RUNX1: variants seen among roughly 807,000 people sequenced by gnomAD.
RUNX1 encodes the protein RUNX family transcription factor 1.
RUNX1 carries 19 observed loss-of-function variants against 42.8 expected under a neutral mutation model. That is an observed-to-expected ratio of 0.44 (90% confidence interval 0.31 to 0.65). The LOEUF is 0.65. RUNX1 is among the 30% of genes least tolerant of loss of function. The pLI is 0.07. For synonymous variants in RUNX1, 271 were observed against 289.4 expected (o/e 0.94, Z 0.64); for missense variants, 528 against 672.0 (o/e 0.79, Z 2.37).
chr21:34,939,906 C>T (rs1025492677), intron 2 of RUNX1, among the ~76,000 whole-genome samples: 6 of 151,948 alleles, frequency 3.9e-5, no homozygotes, highest in African/African-American at 9.7e-5. Context: ...CCAACGATTG[C>T]GCAACATGTA....
chr21:34,792,309 G>GGGGGGGC lies in RUNX1; in HGVS notation c.1268_1269insGCCCCCC (p.Ser424ProfsTer178). The GGGGGGGC allele has an allele frequency of 1.9e-6, 3 of 1,542,444 alleles. No individual in the cohort carries two copies. Among genetic ancestry groups the GGGGGGGC allele is most frequent in the Non-Finnish European group, 1.7e-6 (2 of 1,145,378 alleles). On this transcript the variant is annotated frameshift_variant, in exon 9 of 9. Coordinates refer to ENST00000675419, the MANE Select transcript of RUNX1 (RefSeq NM_001754.5). LOFTEE classifies it high-confidence loss of function. The surrounding 1 kb of genome is among the most constrained non-coding windows in gnomAD (Gnocchi z 6.9). ...AGGGCGGCAGGATGCGCGGCGGCGA[G>GGGGGGGC]CGCTCGCCGCCCACCATGGAGAACT...
intron 8 of RUNX1, among the ~76,000 whole-genome samples, chr21:34,797,848 G>A (rs2056551629): frequency 6.6e-6 from 1 of 152,160 alleles, no homozygotes; most frequent in Admixed American, 6.5e-5. Flanking sequence ...TGCCCCTTGG[G>A]AAATTTGGCA....
intron 7 of RUNX1, among the ~76,000 whole-genome samples, chr21:34,815,592 A>T (rs2056814447): frequency 6.6e-6 from 1 of 152,180 alleles, no homozygotes. Context: ...AAGTGCTGGA[A>T]CCAAGAACAA....
At chr21:34,893,843 A>G (rs2058107253) in intron 2 of RUNX1, among the ~76,000 whole-genome samples, 1 of 152,170 alleles carries the variant, frequency 6.6e-6, no homozygotes, top group Admixed American at 6.5e-5. Flanking sequence ...TGCTGTTTAA[A>G]TAGGCAGGAA....
chr21:34,903,266 C>T (rs938211352), intron 2 of RUNX1, among the ~76,000 whole-genome samples: 1 of 151,990 alleles, frequency 6.6e-6, no homozygotes, highest in Non-Finnish European at 1.5e-5. Flanking sequence ...TCCATGCCCA[C>T]CAAATTAGTG....
Position 34,924,912 on chromosome 21 carries a change from G to C in RUNX1, c.59-31949C>G, listed in dbSNP as rs535382314. Among the ~76,000 whole-genome samples the C allele has an allele frequency of 1.8e-4, 27 of 152,024 alleles. No homozygotes were observed. The South Asian group carries it at 5.6e-3, about 32-fold the overall frequency. ...CCTCACATTGTATGTGTGAGAGAGA[G>C]GAGGCAAGCTCTCATGTCTCTTGTT... On this transcript the variant is annotated intron_variant, in intron 2 of 8. Transcript: ENST00000675419.
chr21:35,041,543 C>A (rs1285153680), intron 2 of RUNX1, among the ~76,000 whole-genome samples: 1 of 152,122 alleles, frequency 6.6e-6, no homozygotes, highest in Non-Finnish European at 1.5e-5. Context: ...TAAATGAACA[C>A]CGATCTTGCA....
chr21:34,953,488 A>T (rs564374172), intron 2 of RUNX1, among the ~76,000 whole-genome samples: 2 of 152,300 alleles, frequency 1.3e-5, no homozygotes, highest in East Asian at 1.9e-4. Flanking sequence ...TGGGCCACAA[A>T]ACATCATTGT....
chr21:35,008,075 A>G (rs2834728), intron 2 of RUNX1, among the ~76,000 whole-genome samples: 26,424 of 152,122 alleles, frequency 0.17, 2,661 homozygotes, highest in African/African-American at 0.27. Flanking sequence ...TGTCTGATCC[A>G]TGGTGCTCCT....
At chr21:35,037,902 A>G (rs569647034) in intron 2 of RUNX1, among the ~76,000 whole-genome samples, 1 of 149,958 alleles carries the variant, frequency 6.7e-6, no homozygotes, top group East Asian at 2.0e-4. Context: ...GCACTGCTAC[A>G]TGATGAGAGA....
chr21:34,995,924 C>CG (rs1324558081), intron 2 of RUNX1, among the ~76,000 whole-genome samples: 231 of 152,236 alleles, frequency 1.5e-3, no homozygotes, highest in Middle Eastern at 0.01. Context: ...GTACGTGTTT[C>CG]TTTTTATACT....
rs780345994 is a variant in RUNX1, at chr21:34,799,482, T to G, written c.806-20A>C. On this transcript the variant is annotated intron_variant, in intron 7 of 8. Transcript: ENST00000675419. ...TTGTATCTGAAGAGAATCAGAAAGGTCAATTATATGTAAAGTGGGGTGGGA... is the reference window on the plus strand; with the variant it reads ...TTGTATCTGAAGAGAATCAGAAAGGGCAATTATATGTAAAGTGGGGTGGGA... 6.2e-7 allele frequency: 1 copy of G among 1,610,950 alleles called. No individual in the cohort carries two copies. The highest frequency in any genetic ancestry group is 8.5e-7 in the Non-Finnish European group (1 of 1,177,320).
chr21:34,949,985 T>C (rs558320358), intron 2 of RUNX1, among the ~76,000 whole-genome samples: 1 of 152,328 alleles, frequency 6.6e-6, no homozygotes, highest in East Asian at 1.9e-4. Flanking sequence ...TGAACTGACA[T>C]CATAGGATCA....
intron 2 of RUNX1, among the ~76,000 whole-genome samples, chr21:35,047,971 TACTC>T (rs2059413084): frequency 6.6e-6 from 1 of 152,084 alleles, no homozygotes; most frequent in Non-Finnish European, 1.5e-5. Flanking sequence ...TGCACACACA[TACTC>T]ACACACTCAC....
intron 8 of RUNX1, among the ~76,000 whole-genome samples, chr21:34,795,865 TTA>T (rs1280041866): frequency 6.6e-6 from 1 of 152,224 alleles, no homozygotes; most frequent in Non-Finnish European, 1.5e-5. Flanking sequence ...AGGAAAAGCA[TTA>T]GGCAAATACA....
intron 2 of RUNX1, among the ~76,000 whole-genome samples, chr21:34,902,053 A>G (rs2058181601): frequency 2.0e-5 from 3 of 152,260 alleles, no homozygotes; most frequent in African/African-American, 7.2e-5. Flanking sequence ...TGAGTAAAAA[A>G]GAAATGAATG....
chr21:34,790,246 CA>C lies in RUNX1; in HGVS notation c.*1888del. ...TAATCAATATATATATAAGAAAACT[CA>C]AAAACAAGTTGTTTTAAATAAGTCC... On this transcript the variant is annotated 3_prime_UTR_variant, in exon 9 of 9. Transcript: ENST00000675419. The C allele has an allele frequency of 4.3e-6, 1 of 233,382 alleles. No individual in the cohort carries two copies. The highest frequency in any genetic ancestry group is 6.1e-5 in the East Asian group (1 of 16,478). 14.5% of individuals were successfully genotyped at this position (233,382 alleles called of 1,614,324 possible). A position where few individuals can be genotyped will look rare whatever the true frequency, so the allele number is the denominator to read the frequency against.
chr21:34,825,393 C>T (rs1241045083), intron 7 of RUNX1, among the ~76,000 whole-genome samples: 1 of 152,198 alleles, frequency 6.6e-6, no homozygotes, highest in African/African-American at 2.4e-5. Flanking sequence ...CTGATTCCAT[C>T]GGTATAGGTG....
chr21:34,981,470 C>G (rs2058846051), intron 2 of RUNX1, among the ~76,000 whole-genome samples: 1 of 152,130 alleles, frequency 6.6e-6, no homozygotes, highest in South Asian at 2.1e-4. Context: ...ATTCTAGAAG[C>G]CTGGTGCCAA....
Sources: allele counts gnomAD v4.1 joint callset (sites outside exome capture counted in the v4.1 genomes callset), GRCh38; gene constraint gnomAD v4.1.1; non-coding constraint Gnocchi (gnomAD v3.1); transcripts MANE v1.5; gene names NCBI Gene and HGNC (gene_info 2026-07-23, HGNC 2026-07-21).